Variants in UGT2A2 observed in about 807,000 individuals in gnomAD.
UGT2A2 encodes the protein UDP glucuronosyltransferase family 2 member A2, also known as UDP-glucuronosyltransferase 2A2.
A neutral mutation model predicts 50.7 loss-of-function variants in UGT2A2; 60 were observed. The ratio of observed to expected loss-of-function variants is 1.18; its 90% CI spans 0.96 to 1.47. The LOEUF is 1.47. UGT2A2 is among the 40% of genes most tolerant of loss of function. The probability of loss-of-function intolerance (pLI) is 0.00; values close to 1 mark genes in which losing one functional copy is unlikely to be tolerated. For synonymous variants in UGT2A2, 242 were observed against 214.6 expected, an observed-to-expected ratio of 1.13 and a Z score of -1.11; for missense variants, 762 against 634.0, an observed-to-expected ratio of 1.20 and a Z score of -2.17.
intron 1 of UGT2A2, among the ~76,000 whole-genome samples, chr4:69,638,541 T>C (rs1325406731): frequency 6.6e-6 from 1 of 152,160 alleles, no homozygotes; most frequent in African/African-American, 2.4e-5. Context: ...AAAGGAGGCA[T>C]GGTAAATCAT....
At chr4:69,597,815 T>C (rs1719027979) in intron 2 of UGT2A2, among the ~76,000 whole-genome samples, 1 of 152,136 alleles carries the variant, frequency 6.6e-6, no homozygotes, top group Non-Finnish European at 1.5e-5. Context: ...GTTGTTTTTG[T>C]ATTCTGTGTA....
chr4:69,607,934 G>A (rs1719759074), intron 1 of UGT2A2, among the ~76,000 whole-genome samples: 1 of 152,170 alleles, frequency 6.6e-6, no homozygotes, highest in Non-Finnish European at 1.5e-5. Flanking sequence ...GTGCTGGAGA[G>A]GATGTCGAGA....
intron 1 of UGT2A2, among the ~76,000 whole-genome samples, chr4:69,628,653 G>GTTA (rs1429742240): frequency 6.7e-6 from 1 of 148,544 alleles, no homozygotes; most frequent in East Asian, 2.0e-4. Flanking sequence ...TAATACAATG[G>GTTA]TTATATATTT....
At chr4:69,608,217 A>G (rs901856876) in intron 1 of UGT2A2, among the ~76,000 whole-genome samples, 23 of 152,294 alleles carry the variant, frequency 1.5e-4, no homozygotes, top group African/African-American at 5.3e-4. Flanking sequence ...TGGCACGTAT[A>G]CACCATGGAA....
intron 5 of UGT2A2, among the ~76,000 whole-genome samples, chr4:69,592,875 GAC>G (rs549113211): frequency 3.5e-4 from 53 of 152,096 alleles, no homozygotes; most frequent in African/African-American, 1.3e-3. Flanking sequence ...TTGTTGTAAA[GAC>G]ACAGTATAAT....
intron 1 of UGT2A2, among the ~76,000 whole-genome samples, chr4:69,609,155 A>ATTT (rs10627999): frequency 0.39 from 55,273 of 141,980 alleles, 11,141 homozygotes; most frequent in Middle Eastern, 0.47. Context: ...AATATATAAG[A>ATTT]TTTTTTTTTT....
chr4:69,610,896 A>G (rs1196980250), intron 1 of UGT2A2, among the ~76,000 whole-genome samples: 1 of 152,150 alleles, frequency 6.6e-6, no homozygotes, highest in Non-Finnish European at 1.5e-5. Context: ...ACTGGTTAGG[A>G]AGTTAAATTA....
chr4:69,614,833 G>A (rs1046069921), intron 1 of UGT2A2, among the ~76,000 whole-genome samples: 2 of 152,044 alleles, frequency 1.3e-5, no homozygotes, highest in African/African-American at 4.8e-5. Flanking sequence ...TGACACTGTA[G>A]TTTATAAAGA....
At chr4:69,610,651 G>A (rs148288709) in intron 1 of UGT2A2, among the ~76,000 whole-genome samples, 16 of 152,232 alleles carry the variant, frequency 1.1e-4, no homozygotes, top group Middle Eastern at 3.4e-3. Flanking sequence ...TCAAGGGTGG[G>A]TCTCTAATCC....
chr4:69,599,198 A>C, intron 2 of UGT2A2, 48 bp downstream of exon 2: 3 of 1,546,880 alleles, frequency 1.9e-6, no homozygotes, highest in Non-Finnish European at 2.6e-6. Flanking sequence ...AAGAAAATTA[A>C]GTATTTTATT....
At chr4:69,599,680 A>G in intron 1 of UGT2A2, 1 of 291,328 alleles carries the variant, frequency 3.4e-6, no homozygotes, top group South Asian at 8.1e-5. Context: ...GGGAAGAAAG[A>G]GGTAGAAATA....
intron 1 of UGT2A2, among the ~76,000 whole-genome samples, chr4:69,612,358 T>C (rs1720114867): frequency 6.6e-6 from 1 of 152,096 alleles, no homozygotes; most frequent in African/African-American, 2.4e-5. Context: ...ATGACATTCA[T>C]GTCAAACTAC....
At chr4:69,638,845 A>G (rs1190699643) in intron 1 of UGT2A2, 54 bp downstream of exon 1, 3 of 1,467,382 alleles carry the variant, frequency 2.0e-6, no homozygotes, top group East Asian at 2.4e-5. Context: ...CCATATGACA[A>G]TAAGAATAAA....
intron 1 of UGT2A2, among the ~76,000 whole-genome samples, chr4:69,620,910 C>T (rs1720714707): frequency 6.6e-6 from 1 of 151,852 alleles, no homozygotes; most frequent in Admixed American, 6.6e-5. Context: ...AAAAGGATTC[C>T]CTATTCAATA....
At chr4:69,591,418 A>G (rs1380605135) in intron 5 of UGT2A2, among the ~76,000 whole-genome samples, 4 of 152,204 alleles carry the variant, frequency 2.6e-5, no homozygotes, top group African/African-American at 9.6e-5. Flanking sequence ...GAGTTTCTCT[A>G]AAGACCTGGG....
In UGT2A2 at chr4:69,604,014, C is replaced by A. The variant is rs905559862; in HGVS notation, c.743-4620G>T. 1.1e-4 allele frequency among the ~76,000 whole-genome samples: 15 copies of A among 136,668 alleles called. 6 individuals are homozygous for A. Among genetic ancestry groups the A allele is most frequent in the African/African-American group, 4.5e-4 (15 of 33,696 alleles). 89.7% of individuals were successfully genotyped at this position (136,668 alleles called of 152,430 possible). A position where few individuals can be genotyped will look rare whatever the true frequency, so the allele number is the denominator to read the frequency against. ...CTCTGCAGGATATTATCCAGTAGAA[C>A]CTCCCCAGTCTAGCAAGGAAGGCCA... On this transcript the variant is annotated intron_variant, in intron 1 of 5. Coordinates refer to ENST00000604629, the MANE Select transcript of UGT2A2 (RefSeq NM_001105677.2).
chr4:69,589,757 C>A, intron 5 of UGT2A2, 106 bp from the exon 6 acceptor site: 2 of 1,447,060 alleles, frequency 1.4e-6, no homozygotes, highest in Non-Finnish European at 9.2e-7. Flanking sequence ...GCCATAGTTA[C>A]GTGGAGAAAA....
chr4:69,596,117 C>T (rs551210445), intron 3 of UGT2A2, 133 bp downstream of exon 3: 44 of 1,253,918 alleles, frequency 3.5e-5, no homozygotes, highest in Admixed American at 7.1e-5. Flanking sequence ...TATTACACAA[C>T]GTTACTTACA....
At chr4:69,596,422 C>A (rs1461908526) in intron 2 of UGT2A2, 41 bp from the exon 3 acceptor site, 2 of 1,440,166 alleles carry the variant, frequency 1.4e-6, no homozygotes, top group Non-Finnish European at 1.8e-6. Context: ...GGTGTAGCAT[C>A]ATAAGAAAAA....
Sources: allele counts gnomAD v4.1 joint callset (sites outside exome capture counted in the v4.1 genomes callset), GRCh38; gene constraint gnomAD v4.1.1; transcripts MANE v1.5; gene names NCBI Gene and HGNC (gene_info 2026-07-23, HGNC 2026-07-21).